Variants in RBPMS observed in about 807,000 individuals in gnomAD.
The protein encoded by RBPMS is RNA-binding protein with multiple splicing.
A neutral mutation model predicts 26.8 loss-of-function variants in RBPMS; 7 were observed. That is an observed-to-expected ratio of 0.26 (90% CI 0.15 to 0.49). The LOEUF is 0.49. RBPMS is among the 20% of genes least tolerant of loss of function. The probability of loss-of-function intolerance (pLI) is 0.98; values close to 1 mark genes in which losing one functional copy is unlikely to be tolerated. For synonymous variants in RBPMS, 96 were observed against 93.3 expected, an observed-to-expected ratio of 1.03 and a Z score of -0.17; for missense variants, 186 against 250.0, an observed-to-expected ratio of 0.74 and a Z score of 1.73.
At chr8:30,549,407 T>C (rs1826112830) in intron 6 of RBPMS, 1 of 1,068,480 alleles carries the variant, frequency 9.4e-7, no homozygotes, top group African/African-American at 1.6e-5. Context: ...AGAGCTTGCC[T>C]TTGGGGCTGT....
chr8:30,385,001 C>A lies in RBPMS; in HGVS notation c.-92C>A. The A allele has an allele frequency of 1.9e-6, 2 of 1,034,012 alleles. 1 individual carries two copies. Among genetic ancestry groups the A allele is most frequent in the South Asian group, 4.6e-5 (2 of 43,624 alleles). 64.1% of individuals were successfully genotyped at this position (1,034,012 alleles called of 1,614,324 possible). A position where few individuals can be genotyped will look rare whatever the true frequency, so the allele number is the denominator to read the frequency against. ...CCCGCGGCGCCCGCCCGAGGGAGCCCCGGCGCCCGGGGAAGGCTCCAGTGG... is the reference window on the plus strand; with the variant it reads ...CCCGCGGCGCCCGCCCGAGGGAGCCACGGCGCCCGGGGAAGGCTCCAGTGG... On this transcript the variant is annotated 5_prime_UTR_variant, in exon 1 of 9. Transcript: ENST00000397323.
chr8:30,457,181 G>T (rs1180390741), intron 1 of RBPMS, among the ~76,000 whole-genome samples: 1 of 152,182 alleles, frequency 6.6e-6, no homozygotes, highest in Non-Finnish European at 1.5e-5. Flanking sequence ...AGTTTTGAGA[G>T]AATCCTTTCT....
chr8:30,558,540 C>T (rs1827169704), intron 6 of RBPMS: 1 of 408,256 alleles, frequency 2.4e-6, no homozygotes, highest in African/African-American at 2.0e-5. Context: ...TAGCCTTTCA[C>T]CAGCCTAGGC....
At chr8:30,455,068 C>T (rs1194565593) in intron 1 of RBPMS, among the ~76,000 whole-genome samples, 1 of 152,224 alleles carries the variant, frequency 6.6e-6, no homozygotes, top group Non-Finnish European at 1.5e-5. Context: ...AGTGATCCGC[C>T]TGCCTTGGCC....
intron 4 of RBPMS, among the ~76,000 whole-genome samples, chr8:30,500,181 T>C (rs1240164950): frequency 6.6e-6 from 1 of 152,154 alleles, no homozygotes; most frequent in African/African-American, 2.4e-5. Flanking sequence ...TGTACAAAAG[T>C]CTGTGCCCTC....
chr8:30,475,563 C>T (rs1817596818), intron 2 of RBPMS, among the ~76,000 whole-genome samples: 2 of 152,188 alleles, frequency 1.3e-5, no homozygotes, highest in Non-Finnish European at 2.9e-5. Context: ...GCAGCAGTGC[C>T]TGGCAGAGAC....
chr8:30,549,797 C>CT (rs1554543932), intron 6 of RBPMS, among the ~76,000 whole-genome samples: 1 of 29,546 alleles, frequency 3.4e-5, no homozygotes, highest in Non-Finnish European at 6.5e-5. Context: ...TCTCTCTCTC[C>CT]CCTCTCTCCT....
intron 5 of RBPMS, among the ~76,000 whole-genome samples, chr8:30,515,371 T>C (rs1822194004): frequency 6.6e-6 from 1 of 152,218 alleles, no homozygotes; most frequent in Non-Finnish European, 1.5e-5. Context: ...TTAATAAGTG[T>C]TGGTGTAATA....
At chr8:30,484,611 A>G (rs1818600116) in intron 4 of RBPMS, among the ~76,000 whole-genome samples, 1 of 152,186 alleles carries the variant, frequency 6.6e-6, no homozygotes, top group Non-Finnish European at 1.5e-5. Flanking sequence ...TGTAAACTAA[A>G]AATATATAAG....
intron 1 of RBPMS, chr8:30,444,871 TA>T (rs1563324325): frequency 6.6e-6 from 1 of 152,234 alleles, no homozygotes; most frequent in Non-Finnish European, 1.5e-5. Flanking sequence ...CCTCTACTCT[TA>T]AGCACACGGT....
intron 1 of RBPMS, among the ~76,000 whole-genome samples, chr8:30,387,586 A>C (rs1175238049): frequency 1.3e-5 from 2 of 152,158 alleles, no homozygotes; most frequent in Non-Finnish European, 2.9e-5. Context: ...ACACACATAC[A>C]ACATAGATAT....
chr8:30,558,793 A>C (rs1294986282), intron 6 of RBPMS, 94 bp from the exon 7 acceptor site: 2 of 1,034,066 alleles, frequency 1.9e-6, no homozygotes, highest in African/African-American at 3.1e-5. Context: ...ACCATCTTGG[A>C]ACAGTAGGGA....
chr8:30,522,249 C>T (rs1157513003), intron 5 of RBPMS, among the ~76,000 whole-genome samples: 1 of 149,788 alleles, frequency 6.7e-6, no homozygotes, highest in Non-Finnish European at 1.5e-5. Flanking sequence ...GCTTGGGCAA[C>T]ATAGTGAGAC....
chr8:30,440,206 G>T (rs1360840499), intron 1 of RBPMS, among the ~76,000 whole-genome samples: 3 of 152,140 alleles, frequency 2.0e-5, no homozygotes, highest in Non-Finnish European at 2.9e-5. Flanking sequence ...TAGGATTACG[G>T]GTGTGAGCCA....
chr8:30,458,994 A>C (rs1171884906), intron 1 of RBPMS, among the ~76,000 whole-genome samples: 2 of 130,808 alleles, frequency 1.5e-5, no homozygotes, highest in African/African-American at 3.0e-5. Context: ...ACGGAGTCTC[A>C]CTCTTGTCAC....
chr8:30,498,817 G>A (rs1307849017), intron 4 of RBPMS, among the ~76,000 whole-genome samples: 12 of 152,096 alleles, frequency 7.9e-5, no homozygotes, highest in Admixed American at 7.9e-4. Context: ...AATGGTGTTA[G>A]ATTGGAATTG....
Position 30,514,055 on chromosome 8 carries a change from T to C in RBPMS, c.397+9619T>C, listed in dbSNP as rs528274539. ...ATAACTACTGGCACCTTAATACATA[T>C]CAAGACAGTGGCACCAAAATACATT... On this transcript the variant is annotated intron_variant, in intron 5 of 8. Coordinates refer to ENST00000397323, the MANE Select transcript of RBPMS (RefSeq NM_001008710.3). Among the ~76,000 whole-genome samples, 24 of 152,252 alleles carry C rather than the reference T, an allele frequency of 1.6e-4. 1 individual carries two copies. The highest frequency in any genetic ancestry group is 1.3e-4 in the Non-Finnish European group (9 of 68,024).
At chr8:30,542,680 CAAT>C (rs1825504697) in intron 5 of RBPMS, among the ~76,000 whole-genome samples, 2 of 152,220 alleles carry the variant, frequency 1.3e-5, no homozygotes, top group Non-Finnish European at 2.9e-5. Flanking sequence ...CGCTAAACAA[CAAT>C]AATAGTTTGG....
intron 1 of RBPMS, among the ~76,000 whole-genome samples, chr8:30,431,258 A>T (rs1318616711): frequency 1.3e-5 from 2 of 152,134 alleles, no homozygotes; most frequent in Non-Finnish European, 2.9e-5. Context: ...CTCAAATTTC[A>T]TAGGAAAGAT....
Sources: gnomAD v4.1 joint callset for allele counts (sites outside exome capture counted in the v4.1 genomes callset) on GRCh38, gnomAD v4.1.1 for gene constraint, MANE v1.5 for transcripts, NCBI Gene and HGNC (gene_info 2026-07-23, HGNC 2026-07-21) for gene names.